MAD1L1: variants seen among roughly 807,000 people sequenced by gnomAD.
MAD1L1 encodes the protein mitotic arrest deficient 1 like 1, also known as mitotic spindle assembly checkpoint protein MAD1.
Under a neutral mutation model 96.9 loss-of-function variants are expected in MAD1L1, and 95 were observed. The ratio of observed to expected loss-of-function variants is 0.98; its 90% CI spans 0.83 to 1.16. The LOEUF (loss-of-function observed/expected upper bound fraction) is 1.16, where lower values mean the gene tolerates loss of function less well. MAD1L1 is among the 50% of genes most tolerant of loss of function. MAD1L1 has a pLI of 0.00. For missense variants in MAD1L1, 1,007 were observed against 954.4 expected, an observed-to-expected ratio of 1.06 and a Z score of -0.73; for synonymous variants, 473 against 396.6, an observed-to-expected ratio of 1.19 and a Z score of -2.29.
chr7:2,033,309 C>G (rs556964672), intron 12 of MAD1L1, among the ~76,000 whole-genome samples: 1 of 152,192 alleles, frequency 6.6e-6, no homozygotes, highest in South Asian at 2.1e-4. Context: ...CCGGTCACCC[C>G]TGCCCTCGCC....
At chr7:2,076,837 G>C (rs551309545) in intron 11 of MAD1L1, among the ~76,000 whole-genome samples, 3 of 149,832 alleles carry the variant, frequency 2.0e-5, no homozygotes, top group Non-Finnish European at 4.4e-5. Flanking sequence ...CCCGCAGCAC[G>C]GTCAGCCTGA....
chr7:2,093,269 A>G (rs1419269432), intron 11 of MAD1L1, among the ~76,000 whole-genome samples: 1 of 146,654 alleles, frequency 6.8e-6, no homozygotes, highest in South Asian at 2.2e-4. Context: ...AAAAAAATTC[A>G]GAGGGAGGGC....
At chr7:2,183,064 G>C (rs910014812) in intron 10 of MAD1L1, among the ~76,000 whole-genome samples, 7 of 151,998 alleles carry the variant, frequency 4.6e-5, no homozygotes, top group Admixed American at 2.0e-4. Context: ...CTCTACAAAA[G>C]AGAAAAAATT....
intron 12 of MAD1L1, among the ~76,000 whole-genome samples, chr7:2,021,811 G>A (rs955639155): frequency 6.6e-6 from 1 of 152,008 alleles, no homozygotes; most frequent in Non-Finnish European, 1.5e-5. Context: ...AACGAAAACT[G>A]GGGGAGATTG....
intron 12 of MAD1L1, among the ~76,000 whole-genome samples, chr7:2,049,955 CCAA>C (rs1316937756): frequency 7.4e-5 from 11 of 148,872 alleles, no homozygotes; most frequent in Non-Finnish European, 1.3e-4. Context: ...GGAACCTCAC[CCAA>C]CGTCTGCGGG....
intron 18 of MAD1L1, among the ~76,000 whole-genome samples, chr7:1,840,142 C>T (rs1186461834): frequency 1.3e-5 from 2 of 152,228 alleles, no homozygotes; most frequent in Admixed American, 6.5e-5. Context: ...CCAGGTCTGA[C>T]ACTCTCTTTC....
rs146378678 is a variant in MAD1L1, at chr7:2,116,177, A to G, written c.1073+32975T>C. ...TGCTGCTCCCAGTGGCCCCAGCTCC[A>G]GGATCCTCTTGTGCCCCTTCCCAGC... is the stretch of plus-strand genomic sequence containing the variant. On this transcript the variant is annotated intron_variant, in intron 11 of 18. Transcript: ENST00000265854. Among the ~76,000 whole-genome samples the G allele has an allele frequency of 7.4e-3, 1,122 of 152,336 alleles. 10 individuals are homozygous for G. Among genetic ancestry groups the G allele is most frequent in the Non-Finnish European group, 0.013 (851 of 68,026 alleles).
chr7:2,116,545 C>A (rs1178820642), intron 11 of MAD1L1, among the ~76,000 whole-genome samples: 1 of 140,012 alleles, frequency 7.1e-6, no homozygotes, highest in Non-Finnish European at 1.5e-5. Flanking sequence ...GGCAGGTACC[C>A]ACACGTGGCA....
intron 18 of MAD1L1, among the ~76,000 whole-genome samples, chr7:1,830,902 T>C (rs558017770): frequency 3.0e-4 from 46 of 152,122 alleles, no homozygotes; most frequent in Non-Finnish European, 4.0e-4. Flanking sequence ...CTAATCAAAG[T>C]AGTAATCAAT....
intron 15 of MAD1L1, among the ~76,000 whole-genome samples, chr7:1,961,655 CT>C (rs1280000421): frequency 6.6e-6 from 1 of 152,234 alleles, no homozygotes; most frequent in Non-Finnish European, 1.5e-5. Context: ...CCAAAGATTT[CT>C]TAGCTATGAT....
Position 1,987,374 on chromosome 7 carries a change from C to T in MAD1L1, c.1417-6833G>A, listed in dbSNP as rs535211887. Among the ~76,000 whole-genome samples the T allele has an allele frequency of 1.8e-4, 27 of 152,338 alleles. No homozygotes were observed. In the South Asian group the frequency reaches 5.4e-3, roughly 30 times the overall value. ...ATGGTGGGCACAGACGCGGCAATGG[C>T]CACTTCCCAGGCACGTCCAGCGTGT... On this transcript the variant is annotated intron_variant, in intron 14 of 18. Transcript: ENST00000265854.
intron 17 of MAD1L1, among the ~76,000 whole-genome samples, chr7:1,915,182 G>A (rs181108125): frequency 8.5e-5 from 13 of 152,322 alleles, no homozygotes; most frequent in African/African-American, 2.9e-4. Flanking sequence ...GACACAGTGT[G>A]TATGGAGAGA....
At chr7:1,841,723 C>T (rs966876204) in intron 18 of MAD1L1, among the ~76,000 whole-genome samples, 3 of 152,252 alleles carry the variant, frequency 2.0e-5, no homozygotes, top group Admixed American at 1.3e-4. Context: ...CCTCGCGGGG[C>T]AGATGGTCTC....
chr7:2,161,164 C>G (rs1291031169), intron 10 of MAD1L1, among the ~76,000 whole-genome samples: 3 of 143,306 alleles, frequency 2.1e-5, no homozygotes, highest in Non-Finnish European at 4.6e-5. Flanking sequence ...CGAGCCGAGG[C>G]TGGACTGTAC....
chr7:2,042,058 C>T (rs750642332), intron 12 of MAD1L1, among the ~76,000 whole-genome samples: 2 of 151,948 alleles, frequency 1.3e-5, no homozygotes, highest in African/African-American at 4.8e-5. Flanking sequence ...CACAGACACA[C>T]AGATGCACGT....
chr7:1,922,368 T>C (rs966235892), intron 17 of MAD1L1, among the ~76,000 whole-genome samples: 33 of 152,280 alleles, frequency 2.2e-4, no homozygotes, highest in African/African-American at 7.7e-4. Context: ...AGATTTCATC[T>C]TCAGAAGAGT....
intron 18 of MAD1L1, among the ~76,000 whole-genome samples, chr7:1,850,352 G>A (rs893448418): frequency 6.6e-6 from 1 of 152,168 alleles, no homozygotes; most frequent in African/African-American, 2.4e-5. Context: ...TGCCTCCTAG[G>A]AACTCACCCC....
intron 10 of MAD1L1, among the ~76,000 whole-genome samples, chr7:2,162,193 G>C (rs549761163): frequency 6.7e-6 from 1 of 149,814 alleles, no homozygotes; most frequent in African/African-American, 2.4e-5. Flanking sequence ...TTGTTACTGT[G>C]TCTGTGTAGA....
chr7:2,042,887 ACG>A (rs1167165478), intron 12 of MAD1L1, among the ~76,000 whole-genome samples: 2 of 16,292 alleles, frequency 1.2e-4, no homozygotes, highest in East Asian at 7.7e-4. Flanking sequence ...ACACATGTCC[ACG>A]TCCACGTCCA....
Sources: allele counts gnomAD v4.1 joint callset (sites outside exome capture counted in the v4.1 genomes callset), GRCh38; gene constraint gnomAD v4.1.1; transcripts MANE v1.5; gene names NCBI Gene and HGNC (gene_info 2026-07-23, HGNC 2026-07-21).